The following SETD3 variants were observed in gnomAD, a reference collection of about 807,000 sequenced individuals.
SETD3 encodes actin-histidine N-methyltransferase.
SETD3 carries 19 observed loss-of-function variants against 63.0 expected under a neutral mutation model. The ratio of observed to expected loss-of-function variants is 0.30; its 90% confidence interval spans 0.21 to 0.44. The LOEUF is 0.44. SETD3 is among the 20% of genes least tolerant of loss of function. The pLI, the probability that SETD3 is intolerant of heterozygous loss-of-function variation, is 1.00. For missense variants in SETD3, 587 were observed against 728.5 expected (o/e 0.81, Z 2.24); for synonymous variants, 286 against 264.1 (o/e 1.08, Z -0.80).
intron 6 of SETD3, among the ~76,000 whole-genome samples, chr14:99,428,369 G>A (rs747370979): frequency 1.3e-5 from 2 of 152,194 alleles, no homozygotes; most frequent in African/African-American, 2.4e-5. Context: ...GAGGGGTTGG[G>A]TGCAGTGGCT....
At chr14:99,432,796 G>T (rs1893255516) in intron 6 of SETD3, among the ~76,000 whole-genome samples, 1 of 152,124 alleles carries the variant, frequency 6.6e-6, no homozygotes, top group Non-Finnish European at 1.5e-5. Context: ...TTGCTGTGGG[G>T]ATGTCCTCTG....
At chr14:99,403,962 C>G (rs1891541346) in intron 11 of SETD3, among the ~76,000 whole-genome samples, 1 of 152,164 alleles carries the variant, frequency 6.6e-6, no homozygotes, top group South Asian at 2.1e-4. Context: ...TTTACCCTAT[C>G]CAAGATGTTT....
chr14:99,415,475 A>C (rs556624811), intron 6 of SETD3, among the ~76,000 whole-genome samples: 5 of 152,338 alleles, frequency 3.3e-5, no homozygotes, highest in African/African-American at 1.2e-4. Context: ...ACAACTATCC[A>C]AACATGGGTG....
intron 8 of SETD3, among the ~76,000 whole-genome samples, chr14:99,408,819 A>G (rs1406699236): frequency 2.0e-5 from 3 of 152,148 alleles, no homozygotes; most frequent in Admixed American, 6.5e-5. Context: ...GTCTCAGTGC[A>G]AAGAAGTGCA....
intron 6 of SETD3, among the ~76,000 whole-genome samples, chr14:99,444,064 T>C (rs1348557300): frequency 2.6e-5 from 4 of 152,040 alleles, no homozygotes; most frequent in Admixed American, 2.6e-4. Context: ...AAGACACCAA[T>C]TTAACCTGGC....
intron 6 of SETD3, among the ~76,000 whole-genome samples, chr14:99,433,116 C>G (rs907727387): frequency 6.6e-6 from 1 of 151,982 alleles, no homozygotes; most frequent in Non-Finnish European, 1.5e-5. Context: ...CAGGCAATGG[C>G]AGGGAGGGGA....
intron 6 of SETD3, among the ~76,000 whole-genome samples, chr14:99,416,841 C>T (rs996608007): frequency 6.6e-6 from 1 of 152,158 alleles, no homozygotes; most frequent in Non-Finnish European, 1.5e-5. Flanking sequence ...TGCCGTGGCT[C>T]ATAATCAGAC....
At chr14:99,418,632 G>A (rs1892405836) in intron 6 of SETD3, among the ~76,000 whole-genome samples, 1 of 152,132 alleles carries the variant, frequency 6.6e-6, no homozygotes, top group Non-Finnish European at 1.5e-5. Flanking sequence ...AAATACATGT[G>A]CTTTGTAAAA....
chr14:99,421,016 C>T (rs1238414038), intron 6 of SETD3, among the ~76,000 whole-genome samples: 2 of 95,346 alleles, frequency 2.1e-5, no homozygotes, highest in Non-Finnish European at 3.9e-5. Context: ...TCTTTAAAGA[C>T]AGTAAATCTT....
chr14:99,458,220 A>G, intron 6 of SETD3, 59 bp downstream of exon 6: 1 of 1,541,434 alleles, frequency 6.5e-7, no homozygotes, highest in Non-Finnish European at 8.8e-7. Flanking sequence ...TTATGGACTC[A>G]ATTCCTCTTT....
At position 99,463,569 on chromosome 14, in the gene SETD3, C is replaced by T; in HGVS notation, c.113G>A (p.Ser38Asn). ...CTCTTTTCCTGGGCCAGGCGCCGGACTGCTGCATTCTGTAACATAAGAGGC... is the reference window on the plus strand; with the variant it reads ...CTCTTTTCCTGGGCCAGGCGCCGGATTGCTGCATTCTGTAACATAAGAGGC... ...LTSELLQKCSSPAPGPGKEWE... is the reference protein window; with the variant it reads ...LTSELLQKCSNPAPGPGKEWE... The change falls in exon 3 of 13, where the codon AGT becomes AAT. Residue 38 changes from serine to asparagine, a missense_variant. Transcript: ENST00000331768. 1.2e-6 allele frequency: 2 copies of T among 1,613,558 alleles called. No homozygotes were observed. The highest frequency in any genetic ancestry group is 2.2e-5 in the East Asian group (1 of 44,894).
intron 1 of SETD3, among the ~76,000 whole-genome samples, chr14:99,479,019 G>A (rs1293226276): frequency 2.0e-5 from 3 of 152,200 alleles, no homozygotes; most frequent in Non-Finnish European, 4.4e-5. Flanking sequence ...GCTCTTACGA[G>A]AAGCTTTCGC....
At chr14:99,484,621 GCC>G (rs1896437899), upstream of SETD3, among the ~76,000 whole-genome samples, 1 of 152,204 alleles carries the variant, frequency 6.6e-6, no homozygotes. Flanking sequence ...ATTATTTTAT[GCC>G]ATCTGTGTAG....
At chr14:99,443,333 C>T (rs1170979608) in intron 6 of SETD3, among the ~76,000 whole-genome samples, 5 of 141,140 alleles carry the variant, frequency 3.5e-5, no homozygotes, top group Non-Finnish European at 7.5e-5. Context: ...TCAGTTCAAA[C>T]CTCCGCCTCC....
chr14:99,439,186 A>C (rs1396267058), intron 6 of SETD3, among the ~76,000 whole-genome samples: 2 of 152,210 alleles, frequency 1.3e-5, no homozygotes, highest in African/African-American at 4.8e-5. Context: ...CTCCTGCTGG[A>C]AATCCACAAC....
chr14:99,421,833 G>C (rs1207701161), intron 6 of SETD3, among the ~76,000 whole-genome samples: 2 of 152,040 alleles, frequency 1.3e-5, no homozygotes, highest in African/African-American at 4.8e-5. Flanking sequence ...CCAGACAAGA[G>C]TTTTCTGGAG....
intron 3 of SETD3, 90 bp downstream of exon 3, chr14:99,463,396 G>A: frequency 1.1e-6 from 1 of 931,186 alleles, no homozygotes; most frequent in South Asian, 1.5e-5. Flanking sequence ...CACCAATGAT[G>A]CTGAGACCTT....
intron 11 of SETD3, among the ~76,000 whole-genome samples, chr14:99,401,493 G>A (rs1298165754): frequency 6.6e-6 from 1 of 152,182 alleles, no homozygotes; most frequent in African/African-American, 2.4e-5. Context: ...GTATTAGTTA[G>A]AGTAATTCAA....
chr14:99,434,039 T>C lies in SETD3; in HGVS notation c.676-20105A>G, dbSNP rs1367863218. Among the ~76,000 whole-genome samples the C allele has an allele frequency of 2.0e-5, 3 of 152,170 alleles. No homozygotes were observed. In the East Asian group the frequency reaches 5.8e-4, roughly 29 times the overall value. ...AACATACGATCACTCAATACCCCAA[T>C]GATTCTTCTCCCAAGAGAATACCCA... On this transcript the variant is annotated intron_variant, in intron 6 of 12. Transcript: ENST00000331768.
Sources: allele counts gnomAD v4.1 joint callset (sites outside exome capture counted in the v4.1 genomes callset), GRCh38; gene constraint gnomAD v4.1.1; transcripts MANE v1.5; gene names NCBI Gene and HGNC (gene_info 2026-07-23, HGNC 2026-07-21).